The following ADGRB3 variants were observed in gnomAD, a reference collection of about 807,000 sequenced individuals.
ADGRB3 encodes the protein brain-specific angiogenesis inhibitor 3.
ADGRB3 carries 37 observed loss-of-function variants against 193.4 expected under a neutral mutation model. The ratio of observed to expected loss-of-function variants is 0.19; its 90% CI spans 0.15 to 0.25. ADGRB3 has a LOEUF of 0.25. ADGRB3 is among the 10% of genes least tolerant of loss of function. The pLI, the probability that ADGRB3 is intolerant of heterozygous loss-of-function variation, is 1.00. For missense variants in ADGRB3, 1,637 were observed against 1,852.9 expected (o/e 0.88, Z 2.14); for synonymous variants, 690 against 644.2 (o/e 1.07, Z -1.08).
At chr6:69,232,929 T>G in intron 17 of ADGRB3, 1 of 468,646 alleles carries the variant, frequency 2.1e-6, no homozygotes, top group Admixed American at 3.8e-5. Context: ...ACCCTGAGTA[T>G]TTGAAACAAT....
At chr6:69,106,849 G>A (rs1187822191) in intron 17 of ADGRB3, among the ~76,000 whole-genome samples, 4 of 152,178 alleles carry the variant, frequency 2.6e-5, no homozygotes, top group Admixed American at 6.5e-5. Context: ...GGATGTAAAC[G>A]TGCTTAGAGT....
At position 69,122,406 on chromosome 6, in the gene ADGRB3, G is replaced by A. The variant is rs373430719; in HGVS notation, c.2480+46368G>A. Among the ~76,000 whole-genome samples the A allele has an allele frequency of 5.2e-4, 74 of 142,516 alleles. 1 individual carries two copies. The highest frequency in any genetic ancestry group is 1.7e-3 in the African/African-American group (66 of 38,604). The allele number at this position is 142,516 out of a possible 152,430, so 93.5% of individuals were successfully genotyped here. On this transcript the variant is annotated intron_variant, in intron 17 of 31. Transcript: ENST00000370598. ...GGAGGCTGCAGCCAGCCAAGACCAC[G>A]GCAGTACAGTCCAGCCTCAGCAACT...
intron 8 of ADGRB3, among the ~76,000 whole-genome samples, chr6:68,972,504 A>C (rs547587704): frequency 2.6e-5 from 4 of 152,272 alleles, no homozygotes; most frequent in African/African-American, 9.6e-5. Flanking sequence ...TCTGGATTCA[A>C]TATGTAATAA....
intron 22 of ADGRB3, among the ~76,000 whole-genome samples, chr6:69,329,847 T>C (rs1561989300): frequency 1.3e-5 from 2 of 152,196 alleles, no homozygotes; most frequent in South Asian, 2.1e-4. Flanking sequence ...TCTCCCCAAA[T>C]GGATTATCTT....
At chr6:68,804,579 A>G (rs1010466226) in intron 3 of ADGRB3, among the ~76,000 whole-genome samples, 12 of 152,248 alleles carry the variant, frequency 7.9e-5, no homozygotes, top group Middle Eastern at 3.4e-3. Flanking sequence ...AATTCATTTG[A>G]TAAGATTCTG....
At chr6:68,891,012 G>A (rs1174227997) in intron 3 of ADGRB3, among the ~76,000 whole-genome samples, 4 of 152,186 alleles carry the variant, frequency 2.6e-5, no homozygotes, top group Admixed American at 1.3e-4. Context: ...CTGAGACTGG[G>A]AAGAAAAAGA....
At chr6:68,981,099 C>A (rs745608396) in intron 10 of ADGRB3, among the ~76,000 whole-genome samples, 2 of 151,628 alleles carry the variant, frequency 1.3e-5, no homozygotes, top group East Asian at 3.9e-4. Flanking sequence ...TAGCATTTTA[C>A]TGCCTTTTAA....
At chr6:69,089,943 A>T (rs1362070725) in intron 17 of ADGRB3, among the ~76,000 whole-genome samples, 1 of 152,184 alleles carries the variant, frequency 6.6e-6, no homozygotes, top group East Asian at 1.9e-4. Context: ...GATATAGGGG[A>T]ACTTGTTGAA....
chr6:68,637,982 A>G (rs1173902705), intron 2 of ADGRB3, among the ~76,000 whole-genome samples: 1 of 152,212 alleles, frequency 6.6e-6, no homozygotes, highest in Non-Finnish European at 1.5e-5. Flanking sequence ...TTCTCAAATG[A>G]TGGTTTTAAA....
intron 3 of ADGRB3, among the ~76,000 whole-genome samples, chr6:68,822,925 A>G (rs1172586068): frequency 6.6e-6 from 1 of 152,042 alleles, no homozygotes; most frequent in Non-Finnish European, 1.5e-5. Flanking sequence ...TTAATTTCCA[A>G]GCTAAAGAAT....
intron 20 of ADGRB3, among the ~76,000 whole-genome samples, chr6:69,280,852 A>AT (rs1554188886): frequency 2.0e-3 from 297 of 151,658 alleles, no homozygotes; most frequent in African/African-American, 5.9e-3. Flanking sequence ...ACTACAAAAA[A>AT]ATATATATAT....
intron 17 of ADGRB3, among the ~76,000 whole-genome samples, chr6:69,167,222 A>G (rs1775153761): frequency 6.6e-6 from 1 of 152,176 alleles, no homozygotes; most frequent in East Asian, 1.9e-4. Flanking sequence ...CCTATAGTAT[A>G]GAGAGAAATG....
intron 3 of ADGRB3, among the ~76,000 whole-genome samples, chr6:68,747,905 G>A (rs1335673729): frequency 6.6e-6 from 1 of 152,092 alleles, no homozygotes; most frequent in Non-Finnish European, 1.5e-5. Flanking sequence ...ATATGGCTTG[G>A]GGGGGCCTCA....
intron 17 of ADGRB3, among the ~76,000 whole-genome samples, chr6:69,102,425 T>G (rs1003436320): frequency 1.3e-5 from 2 of 152,224 alleles, no homozygotes; most frequent in Non-Finnish European, 2.9e-5. Context: ...TTTTAAATGT[T>G]TTTAATGTAC....
chr6:68,749,508 G>A (rs1766154527), intron 3 of ADGRB3, among the ~76,000 whole-genome samples: 1 of 150,784 alleles, frequency 6.6e-6, no homozygotes, highest in African/African-American at 2.4e-5. Flanking sequence ...TTTATTGACA[G>A]TATTGCATGT....
intron 30 of ADGRB3, among the ~76,000 whole-genome samples, chr6:69,377,227 C>A (rs902203523): frequency 1.3e-5 from 2 of 151,946 alleles, no homozygotes; most frequent in Non-Finnish European, 2.9e-5. Flanking sequence ...AAAATGGTAG[C>A]CCAGAGTATG....
At chr6:68,783,493 C>G (rs1283297190) in intron 3 of ADGRB3, among the ~76,000 whole-genome samples, 1 of 151,506 alleles carries the variant, frequency 6.6e-6, no homozygotes, top group Non-Finnish European at 1.5e-5. Flanking sequence ...ATATGAGACT[C>G]TCTCTAGGTA....
chr6:69,087,017 A>G (rs955489230), intron 17 of ADGRB3, among the ~76,000 whole-genome samples: 14 of 152,136 alleles, frequency 9.2e-5, no homozygotes, highest in Middle Eastern at 3.2e-3. Context: ...TCTGTCCAAC[A>G]AGGTACTACT....
intron 3 of ADGRB3, among the ~76,000 whole-genome samples, chr6:68,812,825 G>GCCC (rs1238539435): frequency 6.0e-5 from 8 of 134,346 alleles, no homozygotes; most frequent in African/African-American, 2.2e-4. Flanking sequence ...CCCTCCCCTA[G>GCCC]CCCCCCAACC....
Sources: gnomAD v4.1 joint callset for allele counts (sites outside exome capture counted in the v4.1 genomes callset) on GRCh38, gnomAD v4.1.1 for gene constraint, MANE v1.5 for transcripts, NCBI Gene and HGNC (gene_info 2026-07-23, HGNC 2026-07-21) for gene names.